Variants in TESK2 observed in about 807,000 individuals in gnomAD.
TESK2 encodes the protein testis associated actin remodelling kinase 2.
A neutral mutation model predicts 57.1 loss-of-function variants in TESK2; 39 were observed. That is an observed-to-expected ratio of 0.68 (90% confidence interval 0.53 to 0.89). The LOEUF is 0.89. Among genes scored for constraint, TESK2 ranks in the 40% least tolerant of loss-of-function variants. The probability of loss-of-function intolerance (pLI) is 0.00; values close to 1 mark genes in which losing one functional copy is unlikely to be tolerated. For synonymous variants in TESK2, 249 were observed against 267.9 expected (o/e 0.93, Z 0.69); for missense variants, 646 against 732.1 (o/e 0.88, Z 1.36).
At chr1:45,442,636 G>A (rs1236334147) in intron 2 of TESK2, among the ~76,000 whole-genome samples, 8 of 152,194 alleles carry the variant, frequency 5.3e-5, no homozygotes, top group East Asian at 1.9e-4. Flanking sequence ...CTACGCTGCA[G>A]CTGAAAAGCT....
At chr1:45,449,947 G>A (rs1400844479) in intron 2 of TESK2, among the ~76,000 whole-genome samples, 1 of 152,094 alleles carries the variant, frequency 6.6e-6, no homozygotes, top group African/African-American at 2.4e-5. Context: ...ATTGACATTT[G>A]AATAGACAGA....
chr1:45,464,325 G>A (rs906370201), intron 1 of TESK2, among the ~76,000 whole-genome samples: 1 of 151,696 alleles, frequency 6.6e-6, no homozygotes, highest in Admixed American at 6.6e-5. Flanking sequence ...TCAGGAGGCT[G>A]AGGCACAAAA....
At chr1:45,474,150 A>G (rs571273038) in intron 1 of TESK2, among the ~76,000 whole-genome samples, 2 of 152,286 alleles carry the variant, frequency 1.3e-5, no homozygotes, top group South Asian at 2.1e-4. Context: ...CCTGGCCAAC[A>G]TTATGAAACC....
At chr1:45,350,597 TC>T (rs1399370729) in intron 5 of TESK2, among the ~76,000 whole-genome samples, 2 of 152,240 alleles carry the variant, frequency 1.3e-5, no homozygotes, top group Admixed American at 1.3e-4. Context: ...ACTGCCGGAC[TC>T]CTAAATGCCT....
chr1:45,345,568 A>C lies in TESK2; in HGVS notation c.998-10T>G. 6.2e-7 allele frequency: 1 copy of C among 1,608,284 alleles called. No homozygotes were observed. The highest frequency in any genetic ancestry group is 1.1e-5 in the South Asian group (1 of 90,586). On this transcript the variant is annotated splice_polypyrimidine_tract_variant and intron_variant, in intron 10 of 10. Coordinates refer to ENST00000372086, the MANE Select transcript of TESK2 (RefSeq NM_007170.3). Reference sequence around the variant, plus strand: ...GCTTTCTCCAAGAGTCCTGAAGAATAATCAAGTCTGGGTTACTCTCACTAG... The same window carrying C: ...GCTTTCTCCAAGAGTCCTGAAGAATCATCAAGTCTGGGTTACTCTCACTAG...
intron 3 of TESK2, among the ~76,000 whole-genome samples, chr1:45,404,646 C>T (rs1185964195): frequency 6.6e-6 from 1 of 151,464 alleles, no homozygotes; most frequent in African/African-American, 2.4e-5. Flanking sequence ...TGGGTTCAAG[C>T]AATTCTCCTG....
intron 4 of TESK2, among the ~76,000 whole-genome samples, chr1:45,379,885 A>T (rs1388133441): frequency 1.3e-5 from 2 of 151,310 alleles, no homozygotes; most frequent in African/African-American, 4.9e-5. Flanking sequence ...AGAATAGTTT[A>T]TTTTTTTTTA....
At chr1:45,346,619 C>G in intron 9 of TESK2, 74 bp downstream of exon 9, 2 of 1,312,692 alleles carry the variant, frequency 1.5e-6, no homozygotes, top group Non-Finnish European at 2.2e-6. Flanking sequence ...TTAGCAGCCT[C>G]TCTGTACAGT....
intron 3 of TESK2, among the ~76,000 whole-genome samples, chr1:45,389,518 G>A (rs1174233355): frequency 6.6e-6 from 1 of 152,142 alleles, no homozygotes; most frequent in Non-Finnish European, 1.5e-5. Context: ...CCACCAGCAA[G>A]AAGACTCTCA....
chr1:45,410,173 A>C (rs1178077566), intron 3 of TESK2, among the ~76,000 whole-genome samples: 1 of 151,970 alleles, frequency 6.6e-6, no homozygotes, highest in Non-Finnish European at 1.5e-5. Flanking sequence ...AATTAAGATC[A>C]CCTTACAGTC....
intron 2 of TESK2, among the ~76,000 whole-genome samples, chr1:45,444,231 G>C (rs1270499975): frequency 6.7e-6 from 1 of 149,216 alleles, no homozygotes; most frequent in Non-Finnish European, 1.5e-5. Flanking sequence ...CAAAGTACTC[G>C]ATGAGTACAG....
intron 5 of TESK2, among the ~76,000 whole-genome samples, chr1:45,354,815 AATATATATATATATATATATATATAT>A (rs199613712): frequency 4.4e-4 from 18 of 40,692 alleles, no homozygotes; most frequent in African/African-American, 2.0e-3. Flanking sequence ...AAAAAAAAAA[AATATATATATATATATATATATATAT>A]ATATATATGT....
intron 1 of TESK2, among the ~76,000 whole-genome samples, chr1:45,490,403 G>A (rs942002423): frequency 6.6e-6 from 1 of 152,134 alleles, no homozygotes; most frequent in Non-Finnish European, 1.5e-5. Context: ...GGTCTGAGGG[G>A]AGGGAATTGT....
intron 1 of TESK2, among the ~76,000 whole-genome samples, chr1:45,490,618 T>C (rs1408288974): frequency 1.8e-4 from 27 of 151,890 alleles, no homozygotes; most frequent in Admixed American, 1.8e-3. Context: ...TCCCAGGTTC[T>C]AAGGGGGAGC....
intron 4 of TESK2, among the ~76,000 whole-genome samples, chr1:45,373,207 A>C (rs1557547537): frequency 6.6e-6 from 1 of 152,214 alleles, no homozygotes; most frequent in Non-Finnish European, 1.5e-5. Flanking sequence ...TATAGATTTA[A>C]AGTGTGGAAC....
intron 4 of TESK2, among the ~76,000 whole-genome samples, chr1:45,365,428 C>G (rs1360518906): frequency 6.6e-6 from 1 of 152,288 alleles, no homozygotes; most frequent in Middle Eastern, 3.4e-3. Context: ...GTGTTTAACT[C>G]TTGGCCTTCA....
intron 2 of TESK2, among the ~76,000 whole-genome samples, chr1:45,433,234 C>T (rs1651057539): frequency 6.6e-6 from 1 of 151,644 alleles, no homozygotes; most frequent in Non-Finnish European, 1.5e-5. Flanking sequence ...ACCCACCATG[C>T]CCAGCTAATT....
At chr1:45,464,574 C>T (rs11211117) in intron 1 of TESK2, among the ~76,000 whole-genome samples, 38,246 of 151,984 alleles carry the variant, frequency 0.25, 4,914 homozygotes, top group East Asian at 0.36. Flanking sequence ...TGTTGGCACA[C>T]AGAAATGCTA....
intron 2 of TESK2, among the ~76,000 whole-genome samples, chr1:45,455,071 G>A (rs144355084): frequency 1.4e-3 from 208 of 152,160 alleles, no homozygotes; most frequent in Non-Finnish European, 2.4e-3. Flanking sequence ...TAATCAGGCC[G>A]CACTTTGGCC....
Sources: allele counts gnomAD v4.1 joint callset (sites outside exome capture counted in the v4.1 genomes callset), GRCh38; gene constraint gnomAD v4.1.1; transcripts MANE v1.5; gene names NCBI Gene and HGNC (gene_info 2026-07-23, HGNC 2026-07-21).